Variants in DLGAP1 observed in about 807,000 individuals in gnomAD.
DLGAP1 encodes disks large-associated protein 1.
In DLGAP1, 11 loss-of-function variants were observed where a neutral mutation model predicts 90.8. That is an observed-to-expected ratio of 0.12 (90% CI 0.08 to 0.20). DLGAP1 has a LOEUF of 0.20. Ranked by LOEUF, DLGAP1 falls within the 10% of genes least tolerant of loss-of-function variation. The pLI is 1.00. For synonymous variants in DLGAP1, 558 were observed against 540.7 expected (o/e 1.03, Z -0.44); for missense variants, 1,050 against 1,333.8 (o/e 0.79, Z 3.31).
intron 1 of DLGAP1, among the ~76,000 whole-genome samples, chr18:4,432,663 AT>A (rs1388305425): frequency 6.6e-6 from 1 of 151,406 alleles, no homozygotes; most frequent in Non-Finnish European, 1.5e-5. Flanking sequence ...TAAAGTATAC[AT>A]TATTATTAAC....
chr18:4,399,864 G>A (rs2082516257), intron 1 of DLGAP1, among the ~76,000 whole-genome samples: 1 of 152,088 alleles, frequency 6.6e-6, no homozygotes, highest in Non-Finnish European at 1.5e-5. Context: ...CTCCTTCCAT[G>A]CATAAATACC....
At chr18:4,252,492 C>T (rs2145203338) in intron 1 of DLGAP1, among the ~76,000 whole-genome samples, 1 of 141,030 alleles carries the variant, frequency 7.1e-6, no homozygotes, top group East Asian at 2.0e-4. Context: ...TGCATACTTA[C>T]ATTGAGAGAG....
chr18:3,772,375 T>G (rs1329934485), intron 5 of DLGAP1, among the ~76,000 whole-genome samples: 12 of 16,992 alleles, frequency 7.1e-4, no homozygotes, highest in African/African-American at 1.1e-3. Flanking sequence ...TTTCTTTCTT[T>G]CTTTCTTTCT....
chr18:4,335,824 G>GA lies in DLGAP1; in HGVS notation c.-267+119181dup, dbSNP rs532698956. Among the ~76,000 whole-genome samples, 63 of 152,110 alleles carry GA rather than the reference G, an allele frequency of 4.1e-4. 1 individual carries two copies. In the South Asian group the frequency reaches 0.011, roughly 27 times the overall value. ...GTCACAGAATTGAAAGACTGCGTTA[G>GA]AAAAAAAAGTGTGCACTCTACTGGG... On this transcript the variant is annotated intron_variant, in intron 1 of 12. Transcript: ENST00000315677.
chr18:3,585,964 C>T (rs1300193875), intron 7 of DLGAP1, among the ~76,000 whole-genome samples: 1 of 152,132 alleles, frequency 6.6e-6, no homozygotes, highest in Non-Finnish European at 1.5e-5. Context: ...ACTGAGCCTC[C>T]AGTGCGGCTC....
At chr18:3,987,330 T>C (rs948953087) in intron 3 of DLGAP1, among the ~76,000 whole-genome samples, 1 of 152,158 alleles carries the variant, frequency 6.6e-6, no homozygotes, top group Non-Finnish European at 1.5e-5. Flanking sequence ...GGAGAAAGGA[T>C]TTTGAAAACT....
chr18:4,452,680 T>C (rs1203288021), intron 1 of DLGAP1, among the ~76,000 whole-genome samples: 1 of 152,162 alleles, frequency 6.6e-6, no homozygotes, highest in African/African-American at 2.4e-5. Context: ...GAAGGTCTTG[T>C]CTCCATTTGC....
intron 2 of DLGAP1, among the ~76,000 whole-genome samples, chr18:4,060,771 G>A (rs1478993568): frequency 6.6e-6 from 1 of 152,130 alleles, no homozygotes; most frequent in Non-Finnish European, 1.5e-5. Flanking sequence ...AAAGGATCTT[G>A]TATGGTAAAT....
chr18:4,023,108 CTGA>C (rs2074641651), intron 2 of DLGAP1, among the ~76,000 whole-genome samples: 1 of 152,094 alleles, frequency 6.6e-6, no homozygotes, highest in African/African-American at 2.4e-5. Context: ...TTTTGTCAAT[CTGA>C]TGATTATAGA....
intron 11 of DLGAP1, among the ~76,000 whole-genome samples, chr18:3,504,739 A>G (rs2050124855): frequency 6.6e-6 from 1 of 152,226 alleles, no homozygotes. Flanking sequence ...CCCTTCTCAT[A>G]AAGAATCTCT....
chr18:4,424,398 C>T (rs1248161784), intron 1 of DLGAP1, among the ~76,000 whole-genome samples: 2 of 152,120 alleles, frequency 1.3e-5, no homozygotes, highest in Non-Finnish European at 2.9e-5. Flanking sequence ...TTTACATTTT[C>T]CAGAATTCAC....
intron 4 of DLGAP1, chr18:3,874,254 G>A (rs761320957): frequency 1.3e-6 from 2 of 1,549,702 alleles, no homozygotes. Flanking sequence ...TTTCATCTCT[G>A]GGAGTGCTTT....
At chr18:3,572,852 C>T (rs749246461) in intron 8 of DLGAP1, among the ~76,000 whole-genome samples, 20 of 152,162 alleles carry the variant, frequency 1.3e-4, no homozygotes, top group Admixed American at 7.2e-4. Context: ...TGATACCAAA[C>T]TTTTCCCCCT....
chr18:3,683,261 G>A (rs2060583764), intron 7 of DLGAP1, among the ~76,000 whole-genome samples: 1 of 152,182 alleles, frequency 6.6e-6, no homozygotes, highest in Non-Finnish European at 1.5e-5. Context: ...GAAATCAGGT[G>A]AGAAAAGGTC....
At chr18:3,643,960 C>T (rs2059031773) in intron 7 of DLGAP1, among the ~76,000 whole-genome samples, 1 of 152,112 alleles carries the variant, frequency 6.6e-6, no homozygotes, top group Non-Finnish European at 1.5e-5. Flanking sequence ...TAGTGCTCAC[C>T]CATATTGTAC....
intron 7 of DLGAP1, among the ~76,000 whole-genome samples, chr18:3,650,878 C>CTCTATTAAAATA (rs1567899103): frequency 1.6e-4 from 24 of 151,434 alleles, no homozygotes; most frequent in African/African-American, 5.3e-4. Context: ...ACCATCCTGG[C>CTCTATTAAAATA]CAACATGGTG....
Position 3,977,434 on chromosome 18 carries a change from G to GGTTTTTTTTTT in DLGAP1, c.-73+27681_-73+27682insAAAAAAAAAAC, listed in dbSNP as rs767760816. ...AGTTAATGAATTATGTTTATTCTGT[G>GGTTTTTTTTTT]TTTTTTTTTTTTTTTTTTTTGCTGA... On this transcript the variant is annotated intron_variant, in intron 3 of 12. Coordinates refer to ENST00000315677, the MANE Select transcript of DLGAP1 (RefSeq NM_004746.4). 8.4e-3 allele frequency among the ~76,000 whole-genome samples: 805 copies of GGTTTTTTTTTT among 95,276 alleles called. 11 individuals are homozygous for GGTTTTTTTTTT. Among genetic ancestry groups the GGTTTTTTTTTT allele is most frequent in the African/African-American group, 0.013 (304 of 23,944 alleles). The allele number at this position is 95,276 out of a possible 152,430, so 62.5% of individuals were successfully genotyped here.
At chr18:4,267,466 C>G (rs2145321837) in intron 1 of DLGAP1, among the ~76,000 whole-genome samples, 1 of 152,298 alleles carries the variant, frequency 6.6e-6, no homozygotes, top group South Asian at 2.1e-4. Flanking sequence ...TGGGAAGTTT[C>G]TCCCCACCTC....
At chr18:3,923,830 T>G (rs1296917715) in intron 3 of DLGAP1, among the ~76,000 whole-genome samples, 1 of 152,244 alleles carries the variant, frequency 6.6e-6, no homozygotes, top group Non-Finnish European at 1.5e-5. Flanking sequence ...TATTGCTGAT[T>G]CACTTTTAGA....
Sources: gnomAD v4.1 joint callset for allele counts (sites outside exome capture counted in the v4.1 genomes callset) on GRCh38, gnomAD v4.1.1 for gene constraint, MANE v1.5 for transcripts, NCBI Gene and HGNC (gene_info 2026-07-23, HGNC 2026-07-21) for gene names.